ARHGAP32: variants seen among roughly 807,000 people sequenced by gnomAD.
The protein encoded by ARHGAP32 is rho GTPase-activating protein 32.
In ARHGAP32, 51 loss-of-function variants were observed where a neutral mutation model predicts 186.5. That is an observed-to-expected ratio of 0.27 (90% confidence interval 0.22 to 0.35). The LOEUF is 0.35. Ranked by LOEUF, ARHGAP32 falls within the 10% of genes least tolerant of loss-of-function variation. The pLI is 1.00. For synonymous variants in ARHGAP32, 950 were observed against 964.3 expected, an observed-to-expected ratio of 0.99 and a Z score of 0.27; for missense variants, 2,186 against 2,623.5, an observed-to-expected ratio of 0.83 and a Z score of 3.64.
At chr11:129,182,670 G>A (rs533655505) in intron 1 of ARHGAP32, among the ~76,000 whole-genome samples, 2 of 150,788 alleles carry the variant, frequency 1.3e-5, no homozygotes, top group East Asian at 3.9e-4. Context: ...TGGAGACAGG[G>A]TCTCGCTCTA....
chr11:129,002,580 A>C (rs1467610890), intron 11 of ARHGAP32, among the ~76,000 whole-genome samples: 1 of 152,046 alleles, frequency 6.6e-6, no homozygotes, highest in Non-Finnish European at 1.5e-5. Context: ...AGTGCCCTTT[A>C]TTTCTTTCTC....
chr11:128,998,201 G>T, intron 12 of ARHGAP32, 118 bp downstream of exon 12: 2 of 805,560 alleles, frequency 2.5e-6, no homozygotes, highest in Non-Finnish European at 3.6e-6. Context: ...CTTAGTACAT[G>T]CATTGAACTG....
chr11:129,235,939 A>ACACACACACACACT (rs1491239598), intron 1 of ARHGAP32, among the ~76,000 whole-genome samples: 2 of 135,818 alleles, frequency 1.5e-5, no homozygotes, highest in African/African-American at 5.3e-5. Context: ...ACACACACAC[A>ACACACACACACACT]CTCACACACA....
chr11:129,086,422 T>TA (rs1941395388), intron 6 of ARHGAP32, among the ~76,000 whole-genome samples: 1 of 152,226 alleles, frequency 6.6e-6, no homozygotes, highest in Admixed American at 6.5e-5. Flanking sequence ...ATGAAAAAGA[T>TA]AAATAATAAT....
chr11:129,008,845 T>C (rs1486755465), intron 11 of ARHGAP32, among the ~76,000 whole-genome samples: 2 of 152,214 alleles, frequency 1.3e-5, no homozygotes, highest in African/African-American at 4.8e-5. Context: ...ATTTATAGTA[T>C]AGTTGGTTAA....
intron 1 of ARHGAP32, among the ~76,000 whole-genome samples, chr11:129,250,381 A>G (rs949548274): frequency 6.6e-6 from 1 of 152,234 alleles, no homozygotes; most frequent in African/African-American, 2.4e-5. Context: ...CTGTGAAATG[A>G]TAACTCATTT....
chr11:129,117,149 G>A (rs1030328255), intron 5 of ARHGAP32, among the ~76,000 whole-genome samples: 20 of 151,910 alleles, frequency 1.3e-4, no homozygotes, highest in African/African-American at 4.8e-4. Flanking sequence ...AGTTGAGTCA[G>A]TCTATTCTTT....
intron 1 of ARHGAP32, among the ~76,000 whole-genome samples, chr11:129,250,334 T>C (rs1945164067): frequency 6.6e-6 from 1 of 152,238 alleles, no homozygotes; most frequent in Admixed American, 6.5e-5. Flanking sequence ...TGTTGGTGTC[T>C]ATTTTCCCTA....
chr11:129,267,967 C>T lies in ARHGAP32; in HGVS notation c.-5+11179G>A, dbSNP rs917010719. ...AGCTCGCTCACTCACCCCCCACCCA[C>T]GGAAGGCATTAATGTAGACAGGAAG... On this transcript the variant is annotated intron_variant, in intron 1 of 6. Coordinates refer to the ARHGAP32 transcript ENST00000525234. Among the ~76,000 whole-genome samples the T allele has an allele frequency of 2.0e-5, 3 of 152,024 alleles. No individual in the cohort carries two copies. The East Asian group carries it at 5.8e-4, about 29-fold the overall frequency.
intron 1 of ARHGAP32, among the ~76,000 whole-genome samples, chr11:129,171,533 TCTGTTTTGGTACCAGTACCCTG>T (rs1452170801): frequency 1.3e-5 from 2 of 152,202 alleles, no homozygotes; most frequent in Non-Finnish European, 1.5e-5. Context: ...GGTCTATATG[TCTGTTTTGGTACCAGTACCCTG>T]CTGTTTTGGT....
chr11:129,171,048 C>G (rs1368730965), intron 1 of ARHGAP32, among the ~76,000 whole-genome samples: 3 of 152,048 alleles, frequency 2.0e-5, no homozygotes, highest in Non-Finnish European at 2.9e-5. Flanking sequence ...GTTCGAAGTT[C>G]CTTGTAAATG....
chr11:129,233,224 T>C (rs188610873), intron 1 of ARHGAP32, among the ~76,000 whole-genome samples: 51 of 152,276 alleles, frequency 3.3e-4, no homozygotes, highest in Middle Eastern at 6.8e-3. Context: ...ATGTCAGGGA[T>C]TGGCTTTGAA....
chr11:129,003,358 G>A (rs2134768240), intron 11 of ARHGAP32, among the ~76,000 whole-genome samples: 1 of 152,114 alleles, frequency 6.6e-6, no homozygotes, highest in Admixed American at 6.5e-5. Context: ...TTTTTTTGAT[G>A]TGTCATTTGT....
At chr11:128,977,681 C>A (rs553652249) in intron 19 of ARHGAP32, among the ~76,000 whole-genome samples, 345 of 152,044 alleles carry the variant, frequency 2.3e-3, no homozygotes, top group Non-Finnish European at 4.3e-3. Flanking sequence ...GTAACTATTT[C>A]TTTTATTTTT....
At chr11:129,236,810 C>T (rs1004290231) in intron 1 of ARHGAP32, among the ~76,000 whole-genome samples, 2 of 152,192 alleles carry the variant, frequency 1.3e-5, no homozygotes, top group Non-Finnish European at 2.9e-5. Context: ...TGAAAGTAGG[C>T]ATCCCTGTCT....
chr11:128,975,103 A>G, intron 20 of ARHGAP32, 101 bp from the exon 21 acceptor site: 1 of 929,006 alleles, frequency 1.1e-6, no homozygotes, highest in East Asian at 2.5e-5. Context: ...TATCTAGGTG[A>G]AGGAAGTGTT....
intron 5 of ARHGAP32, among the ~76,000 whole-genome samples, chr11:129,118,294 G>A (rs1250347516): frequency 6.6e-6 from 1 of 151,584 alleles, no homozygotes; most frequent in Non-Finnish European, 1.5e-5. Context: ...AATCCTAGTA[G>A]GCAATACGCA....
chr11:129,215,068 G>T (rs1265573580), intron 1 of ARHGAP32, among the ~76,000 whole-genome samples: 1 of 152,134 alleles, frequency 6.6e-6, no homozygotes, highest in Non-Finnish European at 1.5e-5. Context: ...CCTCTACTCA[G>T]GTGTTAACAA....
rs202229192 is a variant in ARHGAP32 at position 129,238,122 on chromosome 11, AC to A, written c.-5+41023del. Reference sequence around the variant, plus strand: ...ATCTTCTCAATTATAGTTCTGACTAACCCTAATTTCTCTTCTAAGCTTGAGT... The same window carrying A: ...ATCTTCTCAATTATAGTTCTGACTAACCTAATTTCTCTTCTAAGCTTGAGT... On this transcript the variant is annotated intron_variant, in intron 1 of 6. Coordinates refer to the ARHGAP32 transcript ENST00000525234. Among the ~76,000 whole-genome samples, 19 of 152,238 alleles carry A rather than the reference AC, an allele frequency of 1.2e-4. No homozygotes were observed. In the East Asian group the frequency reaches 3.5e-3, roughly 28 times the overall value.
Sources: gnomAD v4.1 joint callset for allele counts (sites outside exome capture counted in the v4.1 genomes callset) on GRCh38, gnomAD v4.1.1 for gene constraint, MANE v1.5 for transcripts, NCBI Gene and HGNC (gene_info 2026-07-23, HGNC 2026-07-21) for gene names.